Variants in PKD2L1 observed in about 807,000 individuals in gnomAD.
PKD2L1 encodes the protein polycystin 2 like 1, transient receptor potential cation channel, also known as polycystin-2-like protein 1.
In PKD2L1, 77 loss-of-function variants were observed where a neutral mutation model predicts 93.0. The ratio of observed to expected loss-of-function variants is 0.83; its 90% CI spans 0.69 to 1.00. The LOEUF is 1.00. Among genes scored for constraint, PKD2L1 ranks in the 50% least tolerant of loss-of-function variants. The pLI, the probability that PKD2L1 is intolerant of heterozygous loss-of-function variation, is 0.00. For missense variants in PKD2L1, 977 were observed against 990.9 expected (o/e 0.99, Z 0.19); for synonymous variants, 390 against 388.0 (o/e 1.01, Z -0.06).
chr10:100,302,144 A>AT (rs1161561739), intron 2 of PKD2L1, among the ~76,000 whole-genome samples: 4 of 152,088 alleles, frequency 2.6e-5, no homozygotes, highest in Admixed American at 2.0e-4. Flanking sequence ...TCAAATGGTG[A>AT]TTTTTTAAAA....
chr10:100,307,273 A>G (rs1345986829), intron 2 of PKD2L1, among the ~76,000 whole-genome samples: 1 of 152,216 alleles, frequency 6.6e-6, no homozygotes, highest in East Asian at 1.9e-4. Flanking sequence ...TAAGTTGCCC[A>G]AGGAAAACAA....
chr10:100,327,982 C>A (rs532802721), intron 2 of PKD2L1, among the ~76,000 whole-genome samples: 1 of 152,318 alleles, frequency 6.6e-6, no homozygotes, highest in African/African-American at 2.4e-5. Flanking sequence ...TTATGAGACT[C>A]TTTGACTCCA....
chr10:100,304,055 A>T (rs1484338905), intron 2 of PKD2L1, among the ~76,000 whole-genome samples: 1 of 152,268 alleles, frequency 6.6e-6, no homozygotes. Context: ...TCTTCTGAGA[A>T]AAATGGCTTG....
Position 100,293,372 on chromosome 10 carries a change from A to G in PKD2L1, c.1667T>C (p.Phe556Ser), listed in dbSNP as rs1372259864. ...FFVFFVLLNMFLAIINDTYSE... is the reference protein window; with the variant it reads ...FFVFFVLLNMSLAIINDTYSE... ...ATATGTGTCATTGATGATGGCCAGG[A>G]ACATGTTCTGGAAAATGAAGTGGGG... The change falls in exon 10 of 16, where the codon TTC becomes TCC. Residue 556 changes from phenylalanine to serine, a missense_variant. Coordinates refer to ENST00000318222, the MANE Select transcript of PKD2L1 (RefSeq NM_016112.3). The G allele has an allele frequency of 8.1e-6, 13 of 1,610,510 alleles. No homozygotes were observed. The African/African-American group carries it at 1.3e-4, about 17-fold the overall frequency.
At chr10:100,326,641 T>C (rs1022118025) in intron 2 of PKD2L1, among the ~76,000 whole-genome samples, 1 of 152,234 alleles carries the variant, frequency 6.6e-6, no homozygotes, top group South Asian at 2.1e-4. Flanking sequence ...GCAACCAGTA[T>C]GGAGAGCATT....
In PKD2L1 at chr10:100,329,869, C is replaced by T; in HGVS notation, c.235G>A (p.Gly79Arg). 2 of 1,589,604 alleles carry T rather than the reference C, an allele frequency of 1.3e-6. No individual in the cohort carries two copies. The highest frequency in any genetic ancestry group is 1.1e-5 in the South Asian group (1 of 89,916). Residue 79 changes from glycine (G) to arginine (R), a missense_variant and splice_region_variant, in exon 1 of 16, where the codon GGA becomes AGA. By Grantham distance (125) the Gly-to-Arg change is moderately radical (BLOSUM62 -2). Coordinates refer to ENST00000318222, the MANE Select transcript of PKD2L1 (RefSeq NM_016112.3). ...GGAGAACTGTCCCCCTATCTGGTAC[C>T]TCTGATGCCTTGACAGATATGGAGG... Reference protein sequence around the residue: ...CCLHICQGIRGLWGTTLTENT... With the variant: ...CCLHICQGIRRLWGTTLTENT...
At chr10:100,289,274 T>C (rs1848350389) in intron 14 of PKD2L1, among the ~76,000 whole-genome samples, 1 of 152,220 alleles carries the variant, frequency 6.6e-6, no homozygotes, top group Non-Finnish European at 1.5e-5. Context: ...ATGAGTGGGC[T>C]CACGCCTGTA....
chr10:100,292,183 C>T (rs1204642646), intron 11 of PKD2L1, among the ~76,000 whole-genome samples: 3 of 152,100 alleles, frequency 2.0e-5, no homozygotes, highest in Admixed American at 6.6e-5. Flanking sequence ...ATTTGCAAGT[C>T]TATGAGCTCT....
At chr10:100,304,328 C>A (rs752349487) in intron 2 of PKD2L1, among the ~76,000 whole-genome samples, 1 of 152,240 alleles carries the variant, frequency 6.6e-6, no homozygotes, top group Non-Finnish European at 1.5e-5. Flanking sequence ...AAACCCAAAC[C>A]GAGTATTTCT....
At position 100,297,463 on chromosome 10, in the gene PKD2L1, A is replaced by C; in HGVS notation, c.875T>G (p.Leu292Arg). 1 of 1,614,198 alleles carries C rather than the reference A, an allele frequency of 6.2e-7. No homozygotes were observed. The highest frequency in any genetic ancestry group is 2.2e-5 in the East Asian group (1 of 44,878). The change falls in exon 5 of 16, where the codon CTG becomes CGG. Residue 292 changes from leucine to arginine, a missense_variant. Leu to Arg is a moderately radical substitution (Grantham distance 102). Transcript: ENST00000318222. Reference protein sequence around the residue: ...AEALRALQEGLWLDRGTRVVF... With the variant: ...AEALRALQEGRWLDRGTRVVF... ...CACTCGAGTGCCCCTGTCCAGCCAC[A>C]GCCCCTCCTGAAGGGCCCGGAGAGC...
Position 100,295,031 on chromosome 10 carries a change from C to T in PKD2L1, c.1449G>A (p.Met483Ile). ...CATAGGCGAAGAAAACAATGAAGAA[C>T]ATGACGGCGAAGCCCAGGATGTCCT... is the stretch of plus-strand genomic sequence containing the variant. Reference protein sequence around the residue: ...CAKDILGFAVMFFIVFFAYAQ... With the variant: ...CAKDILGFAVIFFIVFFAYAQ... Residue 483 changes from methionine to isoleucine, a missense_variant, in exon 8 of 16, where the codon ATG (methionine) becomes ATA (isoleucine). Coordinates refer to ENST00000318222, the MANE Select transcript of PKD2L1 (RefSeq NM_016112.3). 6.2e-7 allele frequency: 1 copy of T among 1,614,158 alleles called. No homozygotes were observed. Among genetic ancestry groups the T allele is most frequent in the Non-Finnish European group, 8.5e-7 (1 of 1,180,008 alleles).
intron 11 of PKD2L1, 121 bp from the exon 12 acceptor site, chr10:100,291,548 C>A: frequency 2.2e-6 from 2 of 922,508 alleles, no homozygotes; most frequent in South Asian, 1.7e-5. Flanking sequence ...GAAGGTTCTC[C>A]AAAGTCTAGC....
intron 5 of PKD2L1, 27 bp from the exon 6 acceptor site, chr10:100,297,235 C>T: frequency 6.2e-7 from 1 of 1,603,478 alleles, no homozygotes; most frequent in Non-Finnish European, 8.5e-7. Flanking sequence ...AGATGACCTC[C>T]AGTGGAGCCT....
chr10:100,303,175 A>G (rs1255066849), intron 2 of PKD2L1, among the ~76,000 whole-genome samples: 1 of 150,490 alleles, frequency 6.6e-6, no homozygotes, highest in Non-Finnish European at 1.5e-5. Context: ...CTTTAAGTCC[A>G]TAATTACATC....
chr10:100,307,381 G>A (rs1172649245), intron 2 of PKD2L1, among the ~76,000 whole-genome samples: 4 of 152,172 alleles, frequency 2.6e-5, no homozygotes, highest in Non-Finnish European at 5.9e-5. Context: ...ATGTTACAGA[G>A]GGTGGCCAAG....
chr10:100,320,134 C>T (rs1292800504), intron 2 of PKD2L1, among the ~76,000 whole-genome samples: 2 of 152,146 alleles, frequency 1.3e-5, no homozygotes, highest in Admixed American at 1.3e-4. Flanking sequence ...TTCATAATGA[C>T]AGTAATAACA....
rs543262797 is a variant in PKD2L1, at chr10:100,296,185, G to A, written c.1293C>T (p.Leu431=). 3.2e-5 allele frequency: 52 copies of A among 1,612,610 alleles called. No individual in the cohort carries two copies. Among genetic ancestry groups the A allele is most frequent in the Middle Eastern group, 1.7e-4 (1 of 6,054 alleles). The change falls in exon 7 of 16, where the codon CTC becomes CTT. Residue 431 remains leucine, a synonymous_variant. Coordinates refer to ENST00000318222, the MANE Select transcript of PKD2L1 (RefSeq NM_016112.3). ...QPNTYADFEF[L]AFWQTQYNNM... Reference sequence around the variant, plus strand: ...TGTTGTACTGTGTCTGCCAGAAGGCGAGGAACTCAAAGTCTGCATACGTGT... The same window carrying A: ...TGTTGTACTGTGTCTGCCAGAAGGCAAGGAACTCAAAGTCTGCATACGTGT...
intron 2 of PKD2L1, among the ~76,000 whole-genome samples, chr10:100,324,338 A>G (rs1007182726): frequency 5.9e-5 from 9 of 152,158 alleles, no homozygotes; most frequent in Non-Finnish European, 1.3e-4. Flanking sequence ...TACTCTTGGT[A>G]TTGTACATTG....
chr10:100,301,454 GCC>G (rs55870246), intron 2 of PKD2L1, among the ~76,000 whole-genome samples: 7,447 of 146,500 alleles, frequency 0.051, 649 homozygotes, highest in African/African-American at 0.18. Context: ...CATTTTAGAG[GCC>G]CCCCCCCCGG....
Sources: gnomAD v4.1 joint callset for allele counts (sites outside exome capture counted in the v4.1 genomes callset) on GRCh38, gnomAD v4.1.1 for gene constraint, MANE v1.5 for transcripts, NCBI Gene and HGNC (gene_info 2026-07-23, HGNC 2026-07-21) for gene names.